The following PCGF3 variants were observed in gnomAD, a reference collection of about 807,000 sequenced individuals.
PCGF3 encodes the protein polycomb group RING finger protein 3.
A neutral mutation model predicts 33.1 loss-of-function variants in PCGF3; 7 were observed. The observed-to-expected ratio is 0.21, with a 90% CI of 0.12 to 0.40. The LOEUF (loss-of-function observed/expected upper bound fraction) is 0.40, where lower values mean the gene tolerates loss of function less well. Ranked by LOEUF, PCGF3 falls within the 10% of genes least tolerant of loss-of-function variation. The probability of loss-of-function intolerance (pLI) is 1.00; values close to 1 mark genes in which losing one functional copy is unlikely to be tolerated. For missense variants in PCGF3, 211 were observed against 313.3 expected, an observed-to-expected ratio of 0.67 and a Z score of 2.46; for synonymous variants, 153 against 121.3, an observed-to-expected ratio of 1.26 and a Z score of -1.72.
intron 6 of PCGF3, among the ~76,000 whole-genome samples, chr4:741,656 C>T (rs1000562559): frequency 6.6e-6 from 1 of 152,230 alleles, no homozygotes; most frequent in South Asian, 2.1e-4. Flanking sequence ...ATCCGCCCGC[C>T]TCAGCCTCCC....
chr4:769,387 A>G (rs1025297679), exon 11 of PCGF3: 2 of 152,722 alleles, frequency 1.3e-5, no homozygotes, highest in African/African-American at 4.8e-5. Flanking sequence ...TGCTCTCAAA[A>G]CATGGAAAAT....
exon 11 of PCGF3, chr4:767,962 G>A (rs887159002): frequency 1.3e-5 from 2 of 152,644 alleles, no homozygotes; most frequent in African/African-American, 2.4e-5. Flanking sequence ...CTGTGTGGCG[G>A]AATAAGAAAG....
rs548694055 is a variant in PCGF3, at chr4:710,885, G to A, written c.-190+4915G>A. 2.5e-4 allele frequency among the ~76,000 whole-genome samples: 38 copies of A among 152,302 alleles called. 1 individual carries two copies. The South Asian group carries it at 7.9e-3, about 32-fold the overall frequency. ...GATTTTGCTCCAGAAATTATCAACC[G>A]ACTTCTGTTAAGTTTTCCTAAACCA... On this transcript the variant is annotated intron_variant, in intron 1 of 10. Transcript: ENST00000362003.
intron 4 of PCGF3, chr4:734,158 C>G: frequency 6.6e-7 from 1 of 1,506,402 alleles, no homozygotes; most frequent in Non-Finnish European, 9.0e-7. Flanking sequence ...TTCTTCACAC[C>G]TGATGTGCGT....
At chr4:734,594 A>T (rs1743753814) in intron 4 of PCGF3, 1 of 1,171,280 alleles carries the variant, frequency 8.5e-7, no homozygotes, top group South Asian at 3.2e-5. Flanking sequence ...CTTTTAGGAC[A>T]AAGTATTGTA....
intron 8 of PCGF3, among the ~76,000 whole-genome samples, chr4:752,061 A>C (rs1002441495): frequency 3.9e-5 from 6 of 152,266 alleles, no homozygotes; most frequent in Non-Finnish European, 7.3e-5. Context: ...AAAATACTTG[A>C]CGGGGCCTTT....
At chr4:717,539 C>T (rs1031619788) in intron 1 of PCGF3, among the ~76,000 whole-genome samples, 14 of 152,304 alleles carry the variant, frequency 9.2e-5, no homozygotes, top group African/African-American at 3.4e-4. Flanking sequence ...CCCACCACAC[C>T]CAGCTAATTT....
intron 1 of PCGF3, among the ~76,000 whole-genome samples, chr4:729,099 C>CAAAAAA (rs34927260): frequency 2.5e-5 from 1 of 40,260 alleles, no homozygotes; most frequent in Non-Finnish European, 4.0e-5. Flanking sequence ...GACTCCATCT[C>CAAAAAA]AAAAAAAAAA....
intron 10 of PCGF3, among the ~76,000 whole-genome samples, chr4:765,338 C>T (rs1745303444): frequency 1.3e-5 from 2 of 151,794 alleles, no homozygotes; most frequent in African/African-American, 2.4e-5. Context: ...GAGGCTGAGG[C>T]AGGAGAATGG....
At chr4:761,350 C>G in exon 9 of PCGF3, 1 of 1,612,306 alleles carries the variant, frequency 6.2e-7, no homozygotes, top group Non-Finnish European at 8.5e-7. Flanking sequence ...GCTGCTCAGC[C>G]CAGGCGACCG....
chr4:769,645 A>G (rs1225047131), exon 11 of PCGF3: 1 of 152,616 alleles, frequency 6.6e-6, no homozygotes, highest in African/African-American at 2.4e-5. Context: ...GGTCTCCCTC[A>G]CCCTCCAGGT....
intron 1 of PCGF3, among the ~76,000 whole-genome samples, chr4:711,702 C>T (rs374879288): frequency 3.3e-5 from 5 of 151,664 alleles, no homozygotes; most frequent in African/African-American, 1.2e-4. Context: ...CATGATCCAC[C>T]CGCCTCGGCC....
intron 8 of PCGF3, among the ~76,000 whole-genome samples, chr4:749,650 C>A (rs753164322): frequency 6.6e-6 from 1 of 151,430 alleles, no homozygotes; most frequent in Non-Finnish European, 1.5e-5. Flanking sequence ...CCACACCCGG[C>A]TAATTTTTAT....
At chr4:733,911 GACC>G in intron 4 of PCGF3, 122 bp downstream of exon 4, 2 of 1,576,996 alleles carry the variant, frequency 1.3e-6, no homozygotes, top group Non-Finnish European at 1.7e-6. Context: ...CAGGAACCAG[GACC>G]AGGGGCAGAG....
chr4:732,326 CCCCTTCCCTCCTCCCCT>C (rs1253185322), intron 3 of PCGF3: 1 of 125,714 alleles, frequency 8.0e-6, no homozygotes, highest in African/African-American at 2.7e-5. Flanking sequence ...ACCCTCCCCT[CCCCTTCCCTCCTCCCCT>C]CCCTTCCCTT....
At chr4:739,196 G>A (rs1743979222) in intron 6 of PCGF3, among the ~76,000 whole-genome samples, 1 of 152,144 alleles carries the variant, frequency 6.6e-6, no homozygotes, top group African/African-American at 2.4e-5. Flanking sequence ...GTGCTTTTTG[G>A]TTGTTGTTTA....
intron 8 of PCGF3, among the ~76,000 whole-genome samples, chr4:749,483 T>TTTTTTTTTTTTTTTTC (rs1744417823): frequency 7.9e-6 from 1 of 126,522 alleles, no homozygotes; most frequent in Non-Finnish European, 1.7e-5. Flanking sequence ...TTCCTTTTTT[T>TTTTTTTTTTTTTTTTC]TTTTTTTTTT....
At chr4:741,674 T>A (rs1560208880) in intron 6 of PCGF3, among the ~76,000 whole-genome samples, 2 of 152,328 alleles carry the variant, frequency 1.3e-5, no homozygotes, top group South Asian at 2.1e-4. Flanking sequence ...CCCACAGTGC[T>A]GGGATGACAG....
At chr4:729,339 CAGG>C (rs1451441752) in intron 1 of PCGF3, among the ~76,000 whole-genome samples, 1 of 150,512 alleles carries the variant, frequency 6.6e-6, no homozygotes, top group Non-Finnish European at 1.5e-5. Flanking sequence ...TGCTCAAGCC[CAGG>C]AGGTCAAGGC....
Sources: allele counts gnomAD v4.1 joint callset (sites outside exome capture counted in the v4.1 genomes callset), GRCh38; gene constraint gnomAD v4.1.1; transcripts MANE v1.5; gene names NCBI Gene and HGNC (gene_info 2026-07-23, HGNC 2026-07-21).